The following MYLK variants were observed in gnomAD, a reference collection of about 807,000 sequenced individuals.
The protein encoded by MYLK is myosin light chain kinase, smooth muscle.
In MYLK, 106 loss-of-function variants were observed where a neutral mutation model predicts 203.4. That is an observed-to-expected ratio of 0.52 (90% CI 0.45 to 0.61). MYLK has a LOEUF of 0.61. Ranked by LOEUF, MYLK falls within the 20% of genes least tolerant of loss-of-function variation. The probability of loss-of-function intolerance (pLI) is 0.00; values close to 1 mark genes in which losing one functional copy is unlikely to be tolerated. For missense variants in MYLK, 2,072 were observed against 2,442.3 expected (o/e 0.85, Z 3.20); for synonymous variants, 867 against 959.5 (o/e 0.90, Z 1.78).
Position 123,707,993 on chromosome 3 carries a change from A to G in MYLK, c.2151T>C (p.Asp717=), listed in dbSNP as rs2061527973. The change falls in exon 16 of 34, where the codon GAT becomes GAC. Residue 717 remains aspartate, a synonymous_variant. Transcript: ENST00000360304. ...TACTGATGAACCAGGGCTGGGTGCC[A>G]TCGTGAGGCTCTGGAAATTGGCAAA... ...QAVLTVQEPH[D]GTQPWFISKP... 6.2e-7 allele frequency: 1 copy of G among 1,614,016 alleles called. No homozygotes were observed. The highest frequency in any genetic ancestry group is 1.3e-5 in the African/African-American group (1 of 74,930).
chr3:123,635,755 A>G (rs1377208500), intron 29 of MYLK, among the ~76,000 whole-genome samples: 2 of 152,240 alleles, frequency 1.3e-5, no homozygotes, highest in African/African-American at 4.8e-5. Flanking sequence ...GTTCTAGATT[A>G]TATATCCAAC....
intron 29 of MYLK, among the ~76,000 whole-genome samples, chr3:123,632,182 CCTTTTATA>C (rs2058457952): frequency 6.6e-6 from 1 of 152,070 alleles, no homozygotes; most frequent in Admixed American, 6.5e-5. Flanking sequence ...GCCAGCTTCT[CCTTTTATA>C]CATCAAGGGG....
rs191146371 is a variant in MYLK, at chr3:123,876,193, T to A, written c.-127+366A>T. On this transcript the variant is annotated intron_variant, in intron 2 of 33. Transcript: ENST00000360304. ...TCAAAGTCACTGGGGTATTTTTTTT[T>A]TAAAAAAACTATACATTATGACTAA... Among the ~76,000 whole-genome samples the A allele has an allele frequency of 5.3e-3, 813 of 151,966 alleles. 7 individuals carry two copies. Among genetic ancestry groups the A allele is most frequent in the African/African-American group, 0.018 (745 of 41,450 alleles).
At chr3:123,733,601 T>C (rs2062563490) in intron 10 of MYLK, 86 bp downstream of exon 10, 9 of 1,519,146 alleles carry the variant, frequency 5.9e-6, no homozygotes, top group South Asian at 3.4e-5. Context: ...ATATAGGTGA[T>C]GCAGACTAGC....
intron 2 of MYLK, among the ~76,000 whole-genome samples, chr3:123,857,647 TG>T (rs2031524283): frequency 1.3e-5 from 1 of 78,102 alleles, no homozygotes; most frequent in Non-Finnish European, 2.4e-5. Context: ...GGGACTGTTG[TG>T]GGGTCGGGGG....
intron 3 of MYLK, among the ~76,000 whole-genome samples, chr3:123,804,226 T>C (rs977523279): frequency 8.5e-5 from 13 of 152,144 alleles, no homozygotes; most frequent in Non-Finnish European, 1.3e-4. Flanking sequence ...TTGAGTTATT[T>C]TGAAACAGAA....
chr3:123,658,737 G>A (rs2059468830), intron 23 of MYLK, among the ~76,000 whole-genome samples: 1 of 152,224 alleles, frequency 6.6e-6, no homozygotes, highest in African/African-American at 2.4e-5. Flanking sequence ...CCCACCTCCA[G>A]CAAGGCAGGA....
At chr3:123,879,413 C>G (rs1009653198) in intron 1 of MYLK, among the ~76,000 whole-genome samples, 1 of 152,060 alleles carries the variant, frequency 6.6e-6, no homozygotes, top group African/African-American at 2.4e-5. Flanking sequence ...AATGTTCCTG[C>G]CTTCCTCTCT....
At chr3:123,768,093 C>T (rs1248722616) in intron 4 of MYLK, among the ~76,000 whole-genome samples, 5 of 152,164 alleles carry the variant, frequency 3.3e-5, no homozygotes, top group African/African-American at 9.7e-5. Context: ...AGGGCTGTTG[C>T]CCTAGAAGCT....
chr3:123,655,309 C>T (rs2059358413), intron 24 of MYLK, among the ~76,000 whole-genome samples: 1 of 152,194 alleles, frequency 6.6e-6, no homozygotes, highest in Admixed American at 6.5e-5. Context: ...ACTCCAGCCT[C>T]CTCTTGGTTC....
chr3:123,730,476 T>C (rs1193437215), intron 11 of MYLK, among the ~76,000 whole-genome samples: 1 of 152,198 alleles, frequency 6.6e-6, no homozygotes, highest in Non-Finnish European at 1.5e-5. Context: ...CTTTTCACCA[T>C]AGCTAAAAAG....
rs115317364 is a variant in MYLK at position 123,674,974 on chromosome 3, G to A, written c.3652+7250C>T. 6.3e-3 allele frequency among the ~76,000 whole-genome samples: 966 copies of A among 152,350 alleles called. 9 individuals carry two copies. Among genetic ancestry groups the A allele is most frequent in the African/African-American group, 0.022 (911 of 41,574 alleles). The stretch of plus-strand genomic sequence containing the variant: ...AGGGTCTACCTTCTGTATCTGCAGT[G>A]CCTAGCATAGTACCTGGCACATGCC... On this transcript the variant is annotated intron_variant, in intron 20 of 33. Transcript: ENST00000360304.
At chr3:123,654,786 G>A (rs1478419073) in intron 24 of MYLK, among the ~76,000 whole-genome samples, 1 of 130,550 alleles carries the variant, frequency 7.7e-6, no homozygotes, top group Non-Finnish European at 1.5e-5. Context: ...GTGCAATCTT[G>A]GCTCACTACA....
chr3:123,675,732 C>T (rs574735274), intron 20 of MYLK, among the ~76,000 whole-genome samples: 2 of 152,194 alleles, frequency 1.3e-5, no homozygotes, highest in Admixed American at 6.5e-5. Context: ...AAAAGGACTC[C>T]AGCTGGGTTG....
At chr3:123,697,875 C>T (rs1393039804) in intron 18 of MYLK, among the ~76,000 whole-genome samples, 1 of 152,122 alleles carries the variant, frequency 6.6e-6, no homozygotes, top group Non-Finnish European at 1.5e-5. Flanking sequence ...TGCTGCTGCT[C>T]TGGATCTGAA....
chr3:123,782,009 C>T (rs938706403), intron 4 of MYLK, among the ~76,000 whole-genome samples: 4 of 152,136 alleles, frequency 2.6e-5, no homozygotes, highest in African/African-American at 9.7e-5. Flanking sequence ...AAAAACTAGG[C>T]ATGTAAAACA....
intron 3 of MYLK, among the ~76,000 whole-genome samples, chr3:123,821,141 T>A (rs1377304486): frequency 6.6e-6 from 1 of 152,224 alleles, no homozygotes; most frequent in Non-Finnish European, 1.5e-5. Flanking sequence ...TTATAACTAA[T>A]GATTCTTTTA....
At chr3:123,825,325 A>C (rs1422397743) in intron 3 of MYLK, among the ~76,000 whole-genome samples, 2 of 152,198 alleles carry the variant, frequency 1.3e-5, no homozygotes, top group Admixed American at 6.5e-5. Context: ...TGTGGTGTCC[A>C]GGAGGGCAGC....
intron 29 of MYLK, among the ~76,000 whole-genome samples, chr3:123,633,784 G>A (rs1198353767): frequency 6.6e-6 from 1 of 152,208 alleles, no homozygotes; most frequent in Non-Finnish European, 1.5e-5. Context: ...GGGGCAGAAG[G>A]TTAGGAGAGC....
Sources: allele counts gnomAD v4.1 joint callset (sites outside exome capture counted in the v4.1 genomes callset), GRCh38; gene constraint gnomAD v4.1.1; transcripts MANE v1.5; gene names NCBI Gene and HGNC (gene_info 2026-07-23, HGNC 2026-07-21).